The following AVEN variants were observed in gnomAD, a reference collection of about 807,000 sequenced individuals.
AVEN encodes the protein apoptosis and caspase activation inhibitor, also known as cell death regulator Aven.
AVEN carries 41 observed loss-of-function variants against 38.1 expected under a neutral mutation model. The observed-to-expected ratio is 1.08, with a 90% CI of 0.84 to 1.40. The LOEUF (loss-of-function observed/expected upper bound fraction) is 1.40. Among genes scored for constraint, AVEN ranks in the 40% most tolerant of loss-of-function variants. The pLI is 0.00. For missense variants in AVEN, 605 were observed against 438.8 expected (o/e 1.38, Z -3.38); for synonymous variants, 206 against 171.8 (o/e 1.20, Z -1.56).
intron 1 of AVEN, among the ~76,000 whole-genome samples, chr15:34,008,689 C>T (rs957468531): frequency 9.9e-5 from 15 of 151,772 alleles, no homozygotes; most frequent in Admixed American, 5.9e-4. Flanking sequence ...AGGGTTTCAC[C>T]GTGTTAGCCA....
At chr15:33,857,819 C>G, downstream of AVEN, 1 of 1,614,174 alleles carries the variant, frequency 6.2e-7, no homozygotes, top group Non-Finnish European at 8.5e-7. Context: ...GGTGGTTTAT[C>G]TCTATACTGT....
At chr15:33,883,267 C>A (rs968542500) in intron 2 of AVEN, among the ~76,000 whole-genome samples, 2 of 152,160 alleles carry the variant, frequency 1.3e-5, no homozygotes, top group Non-Finnish European at 2.9e-5. Context: ...ACAGGAATAA[C>A]CAAAAAGCTG....
chr15:33,933,524 C>CACACAGAGAG (rs1893945145), intron 2 of AVEN, among the ~76,000 whole-genome samples: 4 of 46,650 alleles, frequency 8.6e-5, no homozygotes, highest in Admixed American at 6.3e-4. Flanking sequence ...CACACACACA[C>CACACAGAGAG]AGAGAGAGAG....
At chr15:34,071,456 A>AAC (rs1900623541) in intron 1 of AVEN, among the ~76,000 whole-genome samples, 2 of 151,908 alleles carry the variant, frequency 1.3e-5, no homozygotes, top group Non-Finnish European at 2.9e-5. Context: ...TTTTATTTTT[A>AAC]GTAGAGATGT....
downstream of AVEN, among the ~76,000 whole-genome samples, chr15:33,858,395 T>C (rs2153009940): frequency 1.3e-5 from 2 of 152,060 alleles, no homozygotes; most frequent in South Asian, 4.2e-4. Flanking sequence ...TTAGTAGTGA[T>C]GGGGTTTCTC....
At chr15:33,958,463 C>T (rs1895039625) in intron 2 of AVEN, among the ~76,000 whole-genome samples, 1 of 151,982 alleles carries the variant, frequency 6.6e-6, no homozygotes, top group African/African-American at 2.4e-5. Context: ...TGGTAGCACA[C>T]ATCTGTAATC....
chr15:33,903,420 C>T (rs1892566363), intron 2 of AVEN, among the ~76,000 whole-genome samples: 1 of 152,168 alleles, frequency 6.6e-6, no homozygotes, highest in African/African-American at 2.4e-5. Flanking sequence ...TGGGCGCTCC[C>T]AGAGAGGTTG....
chr15:33,955,345 GT>G (rs1250828271), intron 2 of AVEN, among the ~76,000 whole-genome samples: 5 of 152,180 alleles, frequency 3.3e-5, no homozygotes, highest in Admixed American at 1.3e-4. Context: ...GTTTGAACAT[GT>G]AATTACATTC....
At chr15:33,854,615 G>C (rs1419635056), downstream of AVEN, 12 of 1,107,092 alleles carry the variant, frequency 1.1e-5, no homozygotes, top group Non-Finnish European at 1.6e-5. Flanking sequence ...GGTAGATGGG[G>C]CTCACTTAGC....
intron 2 of AVEN, among the ~76,000 whole-genome samples, chr15:33,988,816 C>A (rs1324827819): frequency 3.3e-5 from 5 of 152,182 alleles, no homozygotes; most frequent in Non-Finnish European, 7.3e-5. Flanking sequence ...CATTGTTGAA[C>A]CCATTTCCAT....
chr15:33,952,678 T>C (rs751670346), intron 2 of AVEN, among the ~76,000 whole-genome samples: 2 of 152,170 alleles, frequency 1.3e-5, no homozygotes, highest in Non-Finnish European at 2.9e-5. Context: ...TCTTCTGAGA[T>C]TGTTGAACTA....
rs556382390 is a variant in AVEN at position 34,073,063 on chromosome 15, C to T, written n.720+1373G>A. Among the ~76,000 whole-genome samples the T allele has an allele frequency of 5.4e-5, 8 of 146,956 alleles. No individual in the cohort carries two copies. In the East Asian group the frequency reaches 8.5e-4, roughly 16 times the overall value. On this transcript the variant is annotated intron_variant and non_coding_transcript_variant, in intron 1 of 11. Transcript: ENST00000675287. ...TTTTTTCTTTTTCTTTTTTTTGAGA[C>T]GGAGTCTCGCTCTGTCGCCCAGGCT... is the stretch of plus-strand genomic sequence containing the variant.
At chr15:33,859,122 C>T (rs1463305188) in intron 11 of AVEN, 1 of 157,558 alleles carries the variant, frequency 6.3e-6, no homozygotes, top group African/African-American at 2.4e-5. Flanking sequence ...CAGAAAAGTC[C>T]ATTACCTTTG....
intron 4 of AVEN, among the ~76,000 whole-genome samples, chr15:33,869,967 A>G (rs1890865236): frequency 6.6e-6 from 1 of 152,084 alleles, no homozygotes; most frequent in African/African-American, 2.4e-5. Context: ...ATGTAGAACT[A>G]TAAAGTTCAG....
chr15:33,866,396 C>G lies in AVEN; in HGVS notation c.*217G>C. The stretch of plus-strand genomic sequence containing the variant: ...GTCTATCTCCTGCCCTTAAGGAAAT[C>G]TATTAGATTACTAAGCCAGAAAAAC... On this transcript the variant is annotated 3_prime_UTR_variant, in exon 6 of 6. Coordinates refer to ENST00000306730, the MANE Select transcript of AVEN (RefSeq NM_020371.3). 1.7e-6 allele frequency: 1 copy of G among 573,940 alleles called. No individual in the cohort carries two copies. The highest frequency in any genetic ancestry group is 3.1e-6 in the Non-Finnish European group (1 of 324,326). The allele number at this position is 573,940 out of a possible 1,614,324, so 35.6% of individuals were successfully genotyped here.
chr15:33,919,996 C>G (rs138240134), intron 2 of AVEN, among the ~76,000 whole-genome samples: 1 of 152,236 alleles, frequency 6.6e-6, no homozygotes, highest in Admixed American at 6.5e-5. Flanking sequence ...ACCTCTTATT[C>G]CTTCCCTATC....
intron 2 of AVEN, among the ~76,000 whole-genome samples, chr15:33,935,632 G>A (rs1482710163): frequency 6.6e-6 from 1 of 151,868 alleles, no homozygotes; most frequent in Non-Finnish European, 1.5e-5. Context: ...CTTTCTTTTT[G>A]TATGCTGACT....
intron 1 of AVEN, among the ~76,000 whole-genome samples, chr15:34,037,257 T>G (rs1283693465): frequency 9.9e-5 from 15 of 152,106 alleles, no homozygotes; most frequent in Admixed American, 9.8e-4. Context: ...TAACACCAAA[T>G]GTACCATTAC....
rs1221489949 is a variant in AVEN, at chr15:34,014,724, G to GGCCCAT, written c.268-11516_268-11515insATGGGC. Among the ~76,000 whole-genome samples the GGCCCAT allele has an allele frequency of 2.6e-4, 40 of 152,190 alleles. 1 individual carries two copies. The highest frequency in any genetic ancestry group is 2.2e-3 in the Admixed American group (34 of 15,274). On this transcript the variant is annotated intron_variant, in intron 1 of 5. Transcript: ENST00000306730. ...TCAGCGGGCCCATCTGGGAACAGCG[G>GGCCCAT]CTAAATATGTTGGGTCTACTCCAAC... is the stretch of plus-strand genomic sequence containing the variant.
Sources: allele counts gnomAD v4.1 joint callset (sites outside exome capture counted in the v4.1 genomes callset), GRCh38; gene constraint gnomAD v4.1.1; transcripts MANE v1.5; gene names NCBI Gene and HGNC (gene_info 2026-07-23, HGNC 2026-07-21).